The following SAMSN1 variants were observed in gnomAD, a reference collection of about 807,000 sequenced individuals.
The protein encoded by SAMSN1 is SAM domain-containing protein SAMSN-1.
A neutral mutation model predicts 42.0 loss-of-function variants in SAMSN1; 31 were observed. The observed-to-expected ratio is 0.74, with a 90% confidence interval of 0.55 to 1.00. SAMSN1 has a LOEUF of 1.00. Among genes scored for constraint, SAMSN1 ranks in the 50% least tolerant of loss-of-function variants. The pLI is 0.00. For synonymous variants in SAMSN1, 178 were observed against 151.9 expected (o/e 1.17, Z -1.26); for missense variants, 464 against 439.4 (o/e 1.06, Z -0.50).
intron 2 of SAMSN1, among the ~76,000 whole-genome samples, chr21:14,621,122 C>A (rs1982990782): frequency 6.6e-6 from 1 of 152,134 alleles, no homozygotes; most frequent in Non-Finnish European, 1.5e-5. Context: ...TTTTAAAATT[C>A]CAGTAGACAT....
intron 7 of SAMSN1, chr21:14,592,644 G>T (rs1326137534): frequency 2.6e-6 from 1 of 383,278 alleles, no homozygotes; most frequent in Non-Finnish European, 5.6e-6. Context: ...TTGAGCCTTA[G>T]AAAAATATCA....
At chr21:14,537,702 T>C (rs1486955941) in intron 1 of SAMSN1, among the ~76,000 whole-genome samples, 1 of 152,214 alleles carries the variant, frequency 6.6e-6, no homozygotes, top group Admixed American at 6.5e-5. Context: ...AACCCAATCA[T>C]CAGTTTTTTT....
chr21:14,550,198 G>C (rs866142217), upstream of SAMSN1, among the ~76,000 whole-genome samples: 1 of 152,040 alleles, frequency 6.6e-6, no homozygotes, highest in Admixed American at 6.6e-5. Context: ...TTAAGGAAGT[G>C]GGGGGACCGT....
chr21:14,561,146 T>C lies in SAMSN1; in HGVS notation c.261+20990A>G, dbSNP rs1478725653. 3.3e-5 allele frequency among the ~76,000 whole-genome samples: 5 copies of C among 152,216 alleles called. No homozygotes were observed. The East Asian group carries it at 9.7e-4, about 29-fold the overall frequency. ...CTAAGATTGGTTTTTTGAGGTATCTTTCACGCTGCCCCACCCAGACTCATG... is the reference window on the plus strand; with the variant it reads ...CTAAGATTGGTTTTTTGAGGTATCTCTCACGCTGCCCCACCCAGACTCATG... On this transcript the variant is annotated intron_variant, in intron 2 of 8. Transcript: ENST00000285670.
intron 2 of SAMSN1, among the ~76,000 whole-genome samples, chr21:14,571,021 T>G (rs977218774): frequency 6.6e-6 from 1 of 152,120 alleles, no homozygotes; most frequent in Non-Finnish European, 1.5e-5. Context: ...TATCAGTTAG[T>G]TAACTCTTCT....
upstream of SAMSN1, among the ~76,000 whole-genome samples, chr21:14,548,160 C>G (rs1222858699): frequency 2.6e-5 from 4 of 152,126 alleles, no homozygotes; most frequent in Non-Finnish European, 2.9e-5. Flanking sequence ...TTTTCTTCAT[C>G]TATGAATAAA....
At chr21:14,549,928 C>CAAAA (rs61616495), upstream of SAMSN1, among the ~76,000 whole-genome samples, 1 of 146,994 alleles carries the variant, frequency 6.8e-6, no homozygotes, top group African/African-American at 2.5e-5. Context: ...CCTACAATAT[C>CAAAA]AAAAAAAAAA....
chr21:14,517,880 C>CCCCTCGCTACTTCTCAAGTCT (rs1987984704), intron 2 of SAMSN1, among the ~76,000 whole-genome samples: 1 of 152,046 alleles, frequency 6.6e-6, no homozygotes, highest in Non-Finnish European at 1.5e-5. Context: ...ACCCACCTTG[C>CCCCTCGCTACTTCTCAAGTCT]CCCTCGCTAC....
rs140393157 is a variant in SAMSN1, at chr21:14,499,518, G to A, written c.769-926C>T. ...AAAAAAAAAAAAAAAAGGAAGAAAA[G>A]CAAGAAGAATGACAATTCTTTCTTT... On this transcript the variant is annotated intron_variant, in intron 6 of 7. Transcript: ENST00000400566. Among the ~76,000 whole-genome samples, 256 of 145,112 alleles carry A rather than the reference G, an allele frequency of 1.8e-3. 2 individuals are homozygous for A. Among genetic ancestry groups the A allele is most frequent in the African/African-American group, 6.0e-3 (239 of 39,762 alleles).
intron 1 of SAMSN1, among the ~76,000 whole-genome samples, chr21:14,647,144 A>C (rs1983730522): frequency 6.6e-6 from 1 of 152,206 alleles, no homozygotes; most frequent in African/African-American, 2.4e-5. Flanking sequence ...ATGAAAAAAC[A>C]TAACCCATCA....
chr21:14,618,162 T>A (rs994785540), intron 2 of SAMSN1, among the ~76,000 whole-genome samples: 7 of 152,368 alleles, frequency 4.6e-5, no homozygotes, highest in Non-Finnish European at 5.9e-5. Flanking sequence ...CAATTTTTCC[T>A]CATGATGAAT....
intron 1 of SAMSN1, among the ~76,000 whole-genome samples, chr21:14,655,319 A>G (rs182099252): frequency 6.6e-6 from 1 of 151,884 alleles, no homozygotes; most frequent in Non-Finnish European, 1.5e-5. Context: ...TAGAAGATAT[A>G]TTAAAAGATG....
chr21:14,650,633 G>A (rs546388075), intron 1 of SAMSN1, among the ~76,000 whole-genome samples: 2 of 151,966 alleles, frequency 1.3e-5, no homozygotes, highest in South Asian at 4.2e-4. Context: ...AACTAGAAAA[G>A]TAAGAGCAAA....
chr21:14,560,679 A>G (rs1980915502), intron 2 of SAMSN1, among the ~76,000 whole-genome samples: 1 of 152,216 alleles, frequency 6.6e-6, no homozygotes, highest in Non-Finnish European at 1.5e-5. Flanking sequence ...TCTATTTCCC[A>G]TCTCTACTTC....
intron 1 of SAMSN1, among the ~76,000 whole-genome samples, chr21:14,583,072 T>A (rs1483822998): frequency 6.6e-6 from 1 of 152,202 alleles, no homozygotes; most frequent in Non-Finnish European, 1.5e-5. Context: ...GCCATATCTG[T>A]AATACCATAA....
chr21:14,508,313 C>T (rs956100858), intron 5 of SAMSN1, among the ~76,000 whole-genome samples: 2 of 151,844 alleles, frequency 1.3e-5, no homozygotes, highest in Non-Finnish European at 2.9e-5. Context: ...ATACATCTGA[C>T]AAAGGACTAA....
chr21:14,622,507 G>A (rs1284099570), intron 2 of SAMSN1, among the ~76,000 whole-genome samples: 3 of 152,142 alleles, frequency 2.0e-5, no homozygotes, highest in African/African-American at 7.2e-5. Flanking sequence ...CAATCAACAG[G>A]AAGAAAGGAT....
chr21:14,629,982 T>A (rs1292560088), intron 2 of SAMSN1, among the ~76,000 whole-genome samples: 4 of 152,226 alleles, frequency 2.6e-5, no homozygotes, highest in African/African-American at 9.6e-5. Context: ...AACTAATGTT[T>A]ATTAAGTGCC....
At chr21:14,562,578 CTT>C (rs941842574) in intron 2 of SAMSN1, among the ~76,000 whole-genome samples, 13 of 150,408 alleles carry the variant, frequency 8.6e-5, no homozygotes, top group Admixed American at 1.3e-4. Flanking sequence ...AATATGGACT[CTT>C]AAAATGATTT....
Sources: allele counts gnomAD v4.1 joint callset (sites outside exome capture counted in the v4.1 genomes callset), GRCh38; gene constraint gnomAD v4.1.1; transcripts MANE v1.5; gene names NCBI Gene and HGNC (gene_info 2026-07-23, HGNC 2026-07-21).